CNGA4: variants seen among roughly 807,000 people sequenced by gnomAD.
CNGA4 encodes the protein cyclic nucleotide-gated channel alpha-4.
Under a neutral mutation model 45.6 loss-of-function variants are expected in CNGA4, and 32 were observed. The observed-to-expected ratio is 0.70, with a 90% CI of 0.53 to 0.94. The LOEUF (loss-of-function observed/expected upper bound fraction) is 0.94, where lower values mean the gene tolerates loss of function less well. Among genes scored for constraint, CNGA4 ranks in the 40% least tolerant of loss-of-function variants. CNGA4 has a pLI of 0.00. For synonymous variants in CNGA4, 293 were observed against 304.6 expected, an observed-to-expected ratio of 0.96 and a Z score of 0.40; for missense variants, 726 against 755.1, an observed-to-expected ratio of 0.96 and a Z score of 0.45.
rs757297688 is a variant in CNGA4 at position 6,240,185 on chromosome 11, C to T, written c.391C>T (p.Arg131Trp). 22 of 1,614,078 alleles carry T rather than the reference C, an allele frequency of 1.4e-5. No homozygotes were observed. The Admixed American group carries it at 2.3e-4, about 17-fold the overall frequency. ...GATGCCCACAGATGTGGTCTACGTG[C>T]GGCTGGGCCCGCACACACCCACCCT... is the stretch of plus-strand genomic sequence containing the variant. ...SLMPTDVVYV[R>W]LGPHTPTLRL... Residue 131 changes from arginine to tryptophan, a missense_variant, in exon 4 of 6, where the codon CGG becomes TGG. By Grantham distance (101) the Arg-to-Trp change is moderately radical. Coordinates refer to ENST00000379936, the MANE Select transcript of CNGA4 (RefSeq NM_001037329.4). The surrounding 1 kb of genome is among the most constrained non-coding windows in gnomAD (Gnocchi z 4.9).
chr11:6,239,710 G>C lies in CNGA4; in HGVS notation c.191G>C (p.Gly64Ala). 1.2e-6 allele frequency: 2 copies of C among 1,614,150 alleles called. No homozygotes were observed. Among genetic ancestry groups the C allele is most frequent in the Non-Finnish European group, 1.7e-6 (2 of 1,179,992 alleles). The change falls in exon 3 of 6, where the codon GGT (glycine) becomes GCT (alanine). Residue 64 changes from glycine to alanine, a missense_variant. Coordinates refer to ENST00000379936, the MANE Select transcript of CNGA4 (RefSeq NM_001037329.4). ...CRACFPDLQH[G>A]YLVAWLVLDY... ...GCCTGCTTCCCCGACTTGCAGCACG[G>C]TTATCTGGTGGCCTGGTTGGTGCTG...
rs184439963 is a variant in CNGA4 at position 6,244,046 on chromosome 11, C to T, written c.1365C>T (p.Ser455=). ...AGGAGGACCTGCGGGAGGTGCTGAG[C>T]GAGTATCCACAAGCACAGACCATCA... ...LSKEDLREVL[S]EYPQAQTIME... is the part of the protein sequence containing the mutation. The change falls in exon 6 of 6, where the codon AGC becomes AGT. Residue 455 remains serine, a synonymous_variant. Transcript: ENST00000379936. This position sits in a 1 kb window ranked among gnomAD's most constrained non-coding sequence, Gnocchi z 4.5. 7 of 1,614,126 alleles carry T rather than the reference C, an allele frequency of 4.3e-6. No homozygotes were observed. Among genetic ancestry groups the T allele is most frequent in the East Asian group, 2.2e-5 (1 of 44,888 alleles).
chr11:6,238,272 G>A (rs567480839), upstream of CNGA4, among the ~76,000 whole-genome samples: 3 of 152,180 alleles, frequency 2.0e-5, no homozygotes, highest in Non-Finnish European at 2.9e-5. Flanking sequence ...TTCTGGAGAA[G>A]GGGGAGCGTG....
intron 3 of CNGA4, 111 bp from the exon 4 acceptor site, chr11:6,239,955 C>A (rs945956870): frequency 5.2e-5 from 75 of 1,437,576 alleles, no homozygotes; most frequent in Non-Finnish European, 6.8e-5. Context: ...CAGAGTTATG[C>A]CTGGCTCCAC....
At position 6,239,778 on chromosome 11, in the gene CNGA4, C is replaced by A; in HGVS notation, c.259C>A (p.Arg87Ser). The change falls in exon 3 of 6, where the codon CGC (arginine) becomes AGC (serine). Residue 87 changes from arginine (R) to serine (S), a missense_variant. By Grantham distance (110) the Arg-to-Ser change is moderately radical. Transcript: ENST00000379936. ...DLLYLLDMVVRFHTGFLEQGI... is the reference protein window; with the variant it reads ...DLLYLLDMVVSFHTGFLEQGI... Reference sequence around the variant, plus strand: ...GCTATACCTACTAGACATGGTGGTGCGCTTCCACACAGGTCAGTGGGCTTC... The same window carrying A: ...GCTATACCTACTAGACATGGTGGTGAGCTTCCACACAGGTCAGTGGGCTTC... 1 of 1,613,310 alleles carries A rather than the reference C, an allele frequency of 6.2e-7. No individual in the cohort carries two copies. The highest frequency in any genetic ancestry group is 8.5e-7 in the Non-Finnish European group (1 of 1,179,490).
At chr11:6,239,829 C>T (rs1345962955) in intron 3 of CNGA4, 39 bp downstream of exon 3, 2 of 1,578,042 alleles carry the variant, frequency 1.3e-6, no homozygotes, top group African/African-American at 2.7e-5. Flanking sequence ...GTCCCACATT[C>T]CCTTCCTAAA....
chr11:6,240,475 G>A lies in CNGA4; in HGVS notation c.681G>A (p.Leu227=). 1 of 1,614,222 alleles carries A rather than the reference G, an allele frequency of 6.2e-7. No homozygotes were observed. Among genetic ancestry groups the A allele is most frequent in the South Asian group, 1.1e-5 (1 of 91,088 alleles). Reference sequence around the variant, plus strand: ...TCTATAGCTTTTACTTCTCCACGCTGATACTGACTACAGTGGGCGATACAC... The same window carrying A: ...TCTATAGCTTTTACTTCTCCACGCTAATACTGACTACAGTGGGCGATACAC... ...QYLYSFYFST[L]ILTTVGDTPP... Residue 227 remains leucine (L), a synonymous_variant, in exon 4 of 6, where the codon CTG becomes CTA. Coordinates refer to ENST00000379936, the MANE Select transcript of CNGA4 (RefSeq NM_001037329.4). The surrounding 1 kb of genome is among the most constrained non-coding windows in gnomAD (Gnocchi z 4.9).
upstream of CNGA4, among the ~76,000 whole-genome samples, chr11:6,238,019 T>A (rs1847859739): frequency 6.6e-6 from 1 of 152,236 alleles, no homozygotes; most frequent in South Asian, 2.1e-4. Context: ...TTGATATCTC[T>A]ATGCCTTTGC....
chr11:6,239,800 C>A lies in CNGA4; in HGVS notation c.271+10C>A. ...GTGCGCTTCCACACAGGTCAGTGGG[C>A]TTCTAGGAATGACCCTTTGTCCCAC... On this transcript the variant is annotated intron_variant, in intron 3 of 5. Coordinates refer to ENST00000379936, the MANE Select transcript of CNGA4 (RefSeq NM_001037329.4). The A allele has an allele frequency of 6.2e-7, 1 of 1,607,534 alleles. No homozygotes were observed. Among genetic ancestry groups the A allele is most frequent in the Non-Finnish European group, 8.5e-7 (1 of 1,175,014 alleles).
Position 6,240,903 on chromosome 11 carries a change from G to A in CNGA4, c.917+192G>A, listed in dbSNP as rs182442511. Among the ~76,000 whole-genome samples the A allele has an allele frequency of 3.8e-4, 58 of 152,222 alleles. 1 individual carries two copies. The highest frequency in any genetic ancestry group is 1.2e-3 in the Admixed American group (19 of 15,288). The stretch of plus-strand genomic sequence containing the variant: ...TGAGGGAATCAGGACTTGGGGGAGG[G>A]GTAGGTAAGAGACTGATAGGGAGAG... On this transcript the variant is annotated intron_variant, in intron 4 of 5. Transcript: ENST00000379936. The surrounding 1 kb of genome is among the most constrained non-coding windows in gnomAD (Gnocchi z 4.9).
chr11:6,242,672 GT>G (rs1381198748), intron 5 of CNGA4, among the ~76,000 whole-genome samples: 3 of 152,120 alleles, frequency 2.0e-5, no homozygotes, highest in Non-Finnish European at 4.4e-5. Context: ...TTAGGCCTCA[GT>G]TTAATCACCT....
At chr11:6,242,087 T>G in intron 5 of CNGA4, 1 of 433,010 alleles carries the variant, frequency 2.3e-6, no homozygotes, top group Non-Finnish European at 4.1e-6. Context: ...ATAATAATAA[T>G]AGCTAATATT....
Position 6,244,359 on chromosome 11 carries a change from A to C in CNGA4, c.1678A>C (p.Lys560Gln). ...DEGEPEEGTSKDEEGRASQEG... is the reference protein window; with the variant it reads ...DEGEPEEGTSQDEEGRASQEG... Reference sequence around the variant, plus strand: ...GGGTGAGCCTGAGGAGGGAACTTCCAAAGATGAAGAGGGCAGGGCCAGCCA... The same window carrying C: ...GGGTGAGCCTGAGGAGGGAACTTCCCAAGATGAAGAGGGCAGGGCCAGCCA... Residue 560 changes from lysine to glutamine, a missense_variant, in exon 6 of 6, where the codon AAA becomes CAA. Coordinates refer to ENST00000379936, the MANE Select transcript of CNGA4 (RefSeq NM_001037329.4). The surrounding 1 kb of genome is among the most constrained non-coding windows in gnomAD (Gnocchi z 4.5). 1 of 1,613,958 alleles carries C rather than the reference A, an allele frequency of 6.2e-7. No individual in the cohort carries two copies. Among genetic ancestry groups the C allele is most frequent in the Non-Finnish European group, 8.5e-7 (1 of 1,179,968 alleles).
Position 6,241,594 on chromosome 11 carries a change from G to A in CNGA4, c.1081G>A (p.Val361Met). Residue 361 changes from valine to methionine, a missense_variant, in exon 5 of 6, where the codon GTG becomes ATG. Transcript: ENST00000379936. ...TGAGGCCAGCCTGCTGGAGGAGCTG[G>A]TGCTGAAGCTGCAGCCCCAGACCTA... ...NCEASLLEEL[V>M]LKLQPQTYSP... The A allele has an allele frequency of 3.1e-6, 5 of 1,614,248 alleles. No individual in the cohort carries two copies. The highest frequency in any genetic ancestry group is 1.3e-5 in the African/African-American group (1 of 75,068).
At position 6,244,298 on chromosome 11, in the gene CNGA4, GCC is replaced by G; in HGVS notation, c.1618_1619del (p.Pro540AsnfsTer7). On this transcript the variant is annotated frameshift_variant, in exon 6 of 6. Transcript: ENST00000379936. LOFTEE classifies it low-confidence loss of function (END_TRUNC). The surrounding 1 kb of genome is among the most constrained non-coding windows in gnomAD (Gnocchi z 4.5). ...ERLEWQTREWPMPEDLAEADD... is the reference protein window; with the variant it reads ...ERLEWQTREWXMPEDLAEADD... The stretch of plus-strand genomic sequence containing the variant: ...GGCTGGAGTGGCAGACTCGAGAGTG[GCC>G]AATGCCCGAGGACCTGGCTGAGGCT... The G allele has an allele frequency of 6.2e-7, 1 of 1,614,140 alleles. No homozygotes were observed. The highest frequency in any genetic ancestry group is 8.5e-7 in the Non-Finnish European group (1 of 1,180,020).
Position 6,244,067 on chromosome 11 carries a change from C to T in CNGA4, c.1386C>T (p.Thr462=). 1 of 1,614,188 alleles carries T rather than the reference C, an allele frequency of 6.2e-7. No individual in the cohort carries two copies. Among genetic ancestry groups the T allele is most frequent in the Non-Finnish European group, 8.5e-7 (1 of 1,180,040 alleles). ...EVLSEYPQAQ[T]IMEEKGREIL... Reference sequence around the variant, plus strand: ...TGAGCGAGTATCCACAAGCACAGACCATCATGGAGGAGAAAGGACGTGAGA... The same window carrying T: ...TGAGCGAGTATCCACAAGCACAGACTATCATGGAGGAGAAAGGACGTGAGA... The change falls in exon 6 of 6, where the codon ACC becomes ACT. Residue 462 remains threonine, a synonymous_variant. Transcript: ENST00000379936. This position sits in a 1 kb window ranked among gnomAD's most constrained non-coding sequence, Gnocchi z 4.5.
chr11:6,235,554 T>C, upstream of CNGA4: 1 of 984,808 alleles, frequency 1.0e-6, no homozygotes, highest in Non-Finnish European at 1.2e-6. Flanking sequence ...TTCCGGGAGG[T>C]GACGGTGTCT....
At position 6,240,122 on chromosome 11, in the gene CNGA4, G is replaced by A. The variant is rs774738730; in HGVS notation, c.328G>A (p.Val110Ile). The A allele has an allele frequency of 3.7e-6, 6 of 1,614,138 alleles. No individual in the cohort carries two copies. Among genetic ancestry groups the A allele is most frequent in the East Asian group, 2.2e-5 (1 of 44,866 alleles). ...CAAGGGTAGGATCTCGAGTCGCTAC[G>A]TTCGCACCTGGAGTTTCTTCTTGGA... ...VDKGRISSRYVRTWSFFLDLA... is the reference protein window; with the variant it reads ...VDKGRISSRYIRTWSFFLDLA... The change falls in exon 4 of 6, where the codon GTT becomes ATT. Residue 110 changes from valine to isoleucine, a missense_variant. Transcript: ENST00000379936. The surrounding 1 kb of genome is among the most constrained non-coding windows in gnomAD (Gnocchi z 4.9).
In CNGA4 at chr11:6,240,805, C is replaced by A. The variant is rs530313384; in HGVS notation, c.917+94C>A. 4.8e-6 allele frequency: 7 copies of A among 1,447,850 alleles called. No homozygotes were observed. Among genetic ancestry groups the A allele is most frequent in the African/African-American group, 4.2e-5 (3 of 70,762 alleles). The allele number at this position is 1,447,850 out of a possible 1,614,324, so 89.7% of individuals were successfully genotyped here. A position where few individuals can be genotyped will look rare whatever the true frequency, so the allele number is the denominator to read the frequency against. ...GGTCCTTAGTGCCTGGTGAGCCAGGCAAGGCTGTCAAAATGTAGCATTCAG... is the reference window on the plus strand; with the variant it reads ...GGTCCTTAGTGCCTGGTGAGCCAGGAAAGGCTGTCAAAATGTAGCATTCAG... On this transcript the variant is annotated intron_variant, in intron 4 of 5. Transcript: ENST00000379936. This position sits in a 1 kb window ranked among gnomAD's most constrained non-coding sequence, Gnocchi z 4.9.
Sources: allele counts gnomAD v4.1 joint callset (sites outside exome capture counted in the v4.1 genomes callset), GRCh38; gene constraint gnomAD v4.1.1; non-coding constraint Gnocchi (gnomAD v3.1); transcripts MANE v1.5; gene names NCBI Gene and HGNC (gene_info 2026-07-23, HGNC 2026-07-21).